TBL1X: variants seen among roughly 807,000 people sequenced by gnomAD.
TBL1X encodes F-box-like/WD repeat-containing protein TBL1X.
A neutral mutation model predicts 50.7 loss-of-function variants in TBL1X; 10 were observed. The ratio of observed to expected loss-of-function variants is 0.20; its 90% CI spans 0.12 to 0.33. TBL1X has a LOEUF of 0.33. TBL1X is among the 10% of genes least tolerant of loss of function. The probability of loss-of-function intolerance (pLI) is 1.00; values close to 1 mark genes in which losing one functional copy is unlikely to be tolerated. For synonymous variants in TBL1X, 190 were observed against 214.7 expected (o/e 0.88, Z 1.01); for missense variants, 340 against 504.4 (o/e 0.67, Z 3.12).
chrX:9,570,522 G>A (rs919826319), intron 2 of TBL1X, among the ~76,000 whole-genome samples: 5 of 111,380 alleles, frequency 4.5e-5, no homozygotes, highest in African/African-American at 1.6e-4. Context: ...GTTATAAAAT[G>A]GCCTCAAAGG....
chrX:9,709,275 C>G lies in TBL1X; in HGVS notation c.1264C>G (p.Pro422Ala). Residue 422 changes from proline (P) to alanine (A), a missense_variant, in exon 14 of 18, where the codon CCG becomes GCG. Physicochemically the swap from Pro to Ala is conservative, Grantham distance 27 (BLOSUM62 -1). Transcript: ENST00000645353. The stretch of plus-strand genomic sequence containing the variant: ...CGAGGTCAACGCCATCAAATGGGAT[C>G]CGTCTGGAATGTTGCTGGCATCCTG... Reference protein sequence around the residue: ...TNEVNAIKWDPSGMLLASCSD... With the variant: ...TNEVNAIKWDASGMLLASCSD... 8.3e-7 allele frequency: 1 copy of G among 1,211,730 alleles called. No individual in the cohort carries two copies. Among genetic ancestry groups the G allele is most frequent in the Non-Finnish European group, 1.1e-6 (1 of 895,491 alleles).
intron 2 of TBL1X, among the ~76,000 whole-genome samples, chrX:9,566,474 A>G (rs1417889290): frequency 1.8e-5 from 2 of 111,850 alleles, no homozygotes; most frequent in Non-Finnish European, 3.8e-5. Context: ...ATCCTCTGGC[A>G]CTGGAACACC....
intron 2 of TBL1X, among the ~76,000 whole-genome samples, chrX:9,623,953 C>T (rs759314360): frequency 1.5e-3 from 173 of 111,989 alleles, no homozygotes; most frequent in Non-Finnish European, 4.7e-4. Flanking sequence ...AAACTCCAAC[C>T]CATTTGCATC....
At chrX:9,664,662 A>G (rs5979147) in intron 5 of TBL1X, among the ~76,000 whole-genome samples, 3,264 of 111,649 alleles carry the variant, frequency 0.029, 128 homozygotes, top group African/African-American at 0.1. Context: ...AGTGTGGAGG[A>G]TTCTGTTAGA....
At chrX:9,592,614 A>G (rs983823419) in intron 2 of TBL1X, among the ~76,000 whole-genome samples, 1 of 111,374 alleles carries the variant, frequency 9.0e-6, no homozygotes, top group African/African-American at 3.3e-5. Context: ...TCATTATACA[A>G]TAACTGGCCC....
chrX:9,574,580 G>C (rs2082401619), intron 2 of TBL1X, among the ~76,000 whole-genome samples: 1 of 109,829 alleles, frequency 9.1e-6, no homozygotes, highest in African/African-American at 3.3e-5. Flanking sequence ...ATATGCCCCA[G>C]ATTCACTAAC....
chrX:9,516,011 A>C (rs761061791), intron 2 of TBL1X, among the ~76,000 whole-genome samples: 2 of 111,139 alleles, frequency 1.8e-5, no homozygotes, highest in South Asian at 7.6e-4. Context: ...TATCTCAATA[A>C]ACCTGTCAAA....
At chrX:9,474,544 T>C (rs889565808) in intron 1 of TBL1X, among the ~76,000 whole-genome samples, 1 of 113,390 alleles carries the variant, frequency 8.8e-6, no homozygotes, top group Non-Finnish European at 1.9e-5. Context: ...ACCATGCACA[T>C]ACTGGATCTA....
intron 6 of TBL1X, among the ~76,000 whole-genome samples, chrX:9,687,562 G>C (rs1447056138): frequency 9.0e-6 from 1 of 111,054 alleles, no homozygotes; most frequent in African/African-American, 3.3e-5. Context: ...TGGATGTTGA[G>C]CAGCGTCCCT....
At chrX:9,467,162 A>G (rs11798141) in intron 1 of TBL1X, among the ~76,000 whole-genome samples, 33,516 of 111,835 alleles carry the variant, frequency 0.3, 3,998 homozygotes, top group South Asian at 0.38. Flanking sequence ...GGTTCTGTAC[A>G]ACATCATCTT....
At chrX:9,697,303 T>C in intron 11 of TBL1X, 66 bp from the exon 12 acceptor site, 1 of 1,184,753 alleles carries the variant, frequency 8.4e-7, no homozygotes, top group East Asian at 3.0e-5. Flanking sequence ...TCTTGTATGA[T>C]AAATGTTTCC....
chrX:9,497,798 G>A (rs901670942), intron 1 of TBL1X, among the ~76,000 whole-genome samples: 1 of 69,892 alleles, frequency 1.4e-5, no homozygotes, highest in East Asian at 5.6e-4. Context: ...CCCTCTCTCC[G>A]TCTCTTCCTC....
At chrX:9,490,611 G>C (rs1280188778) in intron 1 of TBL1X, among the ~76,000 whole-genome samples, 1 of 112,149 alleles carries the variant, frequency 8.9e-6, no homozygotes, top group African/African-American at 3.2e-5. Context: ...TTCCAACTGG[G>C]AAGGGGAATT....
chrX:9,482,432 C>T (rs1569203081), intron 1 of TBL1X, among the ~76,000 whole-genome samples: 1 of 112,033 alleles, frequency 8.9e-6, no homozygotes, highest in African/African-American at 3.2e-5. Flanking sequence ...CTGATCTAGT[C>T]TTAGGACTTG....
At chrX:9,466,338 G>C (rs1229561616) in intron 1 of TBL1X, among the ~76,000 whole-genome samples, 1 of 112,389 alleles carries the variant, frequency 8.9e-6, no homozygotes, top group Non-Finnish European at 1.9e-5. Context: ...AGGCCCGCCT[G>C]CGCTGGGATA....
At chrX:9,526,200 T>TTTG (rs1050146728) in intron 2 of TBL1X, among the ~76,000 whole-genome samples, 1 of 111,065 alleles carries the variant, frequency 9.0e-6, no homozygotes, top group Non-Finnish European at 1.9e-5. Context: ...ACACAGCCTC[T>TTTG]TTGTAATACC....
intron 1 of TBL1X, among the ~76,000 whole-genome samples, chrX:9,494,537 C>T (rs2081962146): frequency 9.0e-6 from 1 of 111,357 alleles, no homozygotes; most frequent in Admixed American, 9.6e-5. Flanking sequence ...CCTTTAAAGT[C>T]CTTGGCAAAT....
chrX:9,623,951 A>G (rs779382192), intron 2 of TBL1X, among the ~76,000 whole-genome samples: 3 of 111,551 alleles, frequency 2.7e-5, no homozygotes, highest in Non-Finnish European at 3.8e-5. Context: ...AAAAACTCCA[A>G]CCCATTTGCA....
At chrX:9,636,140 G>T (rs912869985) in intron 2 of TBL1X, 2 of 111,876 alleles carry the variant, frequency 1.8e-5, no homozygotes, top group Non-Finnish European at 3.8e-5. Flanking sequence ...CACCAGGCCT[G>T]GGGGAGGAGG....
Sources: allele counts gnomAD v4.1 joint callset (sites outside exome capture counted in the v4.1 genomes callset), GRCh38; gene constraint gnomAD v4.1.1; transcripts MANE v1.5; gene names NCBI Gene and HGNC (gene_info 2026-07-23, HGNC 2026-07-21).